PRH1: variants seen among roughly 807,000 people sequenced by gnomAD.
PRH1 encodes the protein salivary acidic proline-rich phosphoprotein 1/2.
PRH1 carries 7 observed loss-of-function variants against 7.9 expected under a neutral mutation model. The observed-to-expected ratio is 0.89, with a 90% CI of 0.50 to 1.67. PRH1 has a LOEUF of 1.67. Ranked by LOEUF, PRH1 falls within the 40% of genes most tolerant of loss-of-function variation. The pLI is 0.00. For synonymous variants in PRH1, 45 were observed against 80.8 expected (o/e 0.56, Z 2.38); for missense variants, 109 against 223.6 (o/e 0.49, Z 3.27).
intron 1 of PRH1, among the ~76,000 whole-genome samples, chr12:10,987,462 C>T (rs1277816373): frequency 1.3e-5 from 2 of 151,926 alleles, no homozygotes; most frequent in Non-Finnish European, 2.9e-5. Flanking sequence ...ACCAAAACAC[C>T]TTAAAATCTG....
At chr12:10,972,088 AG>A (rs1198334195) in intron 2 of PRH1, among the ~76,000 whole-genome samples, 15 of 152,276 alleles carry the variant, frequency 9.9e-5, no homozygotes, top group Admixed American at 6.5e-4. Context: ...GGAAATTTGG[AG>A]TGTTTAACAG....
intron 1 of PRH1, among the ~76,000 whole-genome samples, chr12:11,064,247 T>A (rs1943721109): frequency 6.6e-6 from 1 of 152,184 alleles, no homozygotes; most frequent in Admixed American, 6.6e-5. Context: ...TCTGGCCTGC[T>A]TTGCACTGCG....
upstream of PRH1, chr12:11,049,168 AC>A (rs1943033798): frequency 2.8e-6 from 3 of 1,070,848 alleles, no homozygotes; most frequent in Non-Finnish European, 3.7e-6. Context: ...AAGGACACCT[AC>A]TAGAGCTATG....
At chr12:11,133,878 T>A (rs1189487835) in intron 1 of PRH1, 6 of 1,614,034 alleles carry the variant, frequency 3.7e-6, no homozygotes, top group Non-Finnish European at 5.1e-6. Context: ...TTAACTCTCC[T>A]CTTTATGCGA....
At chr12:10,986,068 T>C in intron 1 of PRH1, 1 of 1,614,084 alleles carries the variant, frequency 6.2e-7, no homozygotes, top group Non-Finnish European at 8.5e-7. Flanking sequence ...CCAACAGCCT[T>C]GCTAACCATG....
rs560097621 is a variant in PRH1, at chr12:11,010,583, C to T, written c.-126+36437G>A. 3.8e-4 allele frequency among the ~76,000 whole-genome samples: 58 copies of T among 151,960 alleles called. 1 individual carries two copies. In the South Asian group the frequency reaches 8.9e-3, roughly 23 times the overall value. ...AAGTGTGGTACAATAAAAAATACTTCGCCTTAATCAGGTAATGCCATATTC... is the reference window on the plus strand; with the variant it reads ...AAGTGTGGTACAATAAAAAATACTTTGCCTTAATCAGGTAATGCCATATTC... On this transcript the variant is annotated intron_variant, in intron 1 of 3. Coordinates refer to the PRH1 transcript ENST00000539853.
intron 1 of PRH1, chr12:10,986,889 CA>C: frequency 7.0e-7 from 1 of 1,431,084 alleles, no homozygotes; most frequent in Non-Finnish European, 9.3e-7. Context: ...AAAGAAAATG[CA>C]AGCCTAATAT....
Position 10,882,272 on chromosome 12 carries a change from C to T in PRH1, c.527G>A (p.Arg176His), listed in dbSNP as rs137971763. The change falls in exon 3 of 4, where the codon CGC becomes CAC. Residue 176 changes from arginine (R) to histidine (H), a missense_variant. By Grantham distance (29) the Arg-to-His change is conservative (BLOSUM62 0). This residue lies in a region of PRH1 where 45 missense variants were observed against 88.8 expected (regional missense o/e 0.51). Coordinates refer to ENST00000543626, the MANE Select transcript of PRH1 (RefSeq NM_001393989.1). ...CTGCCCCTGTGGAGGTCCTTGTGGG[C>T]GGCCCCCTTGGGGAGGTGGTCCCTG... ...KPQGPPPQGG[R>H]PQGPPQGQSP... is the part of the protein sequence containing the mutation. The T allele has an allele frequency of 1.9e-3, 3,046 of 1,612,724 alleles. 31 individuals are homozygous for T. The Admixed American group carries it at 0.024, about 13-fold the overall frequency.
intron 1 of PRH1, among the ~76,000 whole-genome samples, chr12:11,081,155 T>A (rs78444433): frequency 0.3 from 22,369 of 74,170 alleles, 1,831 homozygotes; most frequent in Non-Finnish European, 0.39. Context: ...CCTCAATGTG[T>A]TACCCTCTAG....
intron 1 of PRH1, among the ~76,000 whole-genome samples, chr12:11,155,608 TTTC>T (rs1304266921): frequency 2.6e-5 from 4 of 152,176 alleles, no homozygotes; most frequent in East Asian, 1.9e-4. Flanking sequence ...CTTAATATAT[TTTC>T]TTCTTGTTTA....
At chr12:11,030,858 C>T in intron 1 of PRH1, 1 of 1,614,146 alleles carries the variant, frequency 6.2e-7, no homozygotes, top group African/African-American at 1.3e-5. Context: ...GTCAAGTTTC[C>T]TTCATATTCT....
intron 2 of PRH1, among the ~76,000 whole-genome samples, chr12:10,906,538 T>C (rs866097232): frequency 1.1e-4 from 16 of 152,228 alleles, no homozygotes; most frequent in African/African-American, 3.9e-4. Context: ...TCTTGAATTG[T>C]AGCTCCCATA....
At chr12:11,160,481 G>GT (rs76745801) in intron 1 of PRH1, among the ~76,000 whole-genome samples, 1 of 151,078 alleles carries the variant, frequency 6.6e-6, no homozygotes, top group African/African-American at 2.5e-5. Context: ...TTGTTTGTTT[G>GT]TTTTTTTGAG....
chr12:10,885,544 G>T (rs1157929693), upstream of PRH1, among the ~76,000 whole-genome samples: 1 of 151,962 alleles, frequency 6.6e-6, no homozygotes, highest in East Asian at 1.9e-4. Context: ...GTCCTGGTTT[G>T]GTAGCTCTCT....
rs143560037 is a variant in PRH1 at position 10,920,020 on chromosome 12, C to G, written c.-58-35745G>C. ...GCTCAAACAATCCTCCTGTTTGATT[C>G]TCTGTGTAGCTAAGACTACAGTTGC... On this transcript the variant is annotated intron_variant, in intron 2 of 3. Coordinates refer to the PRH1 transcript ENST00000539853. Among the ~76,000 whole-genome samples the G allele has an allele frequency of 3.7e-3, 565 of 150,844 alleles. 1 individual carries two copies. The highest frequency in any genetic ancestry group is 0.013 in the African/African-American group (538 of 41,036).
chr12:11,118,105 G>A (rs2708335), downstream of PRH1, among the ~76,000 whole-genome samples: 1 of 151,772 alleles, frequency 6.6e-6, no homozygotes, highest in Non-Finnish European at 1.5e-5. Flanking sequence ...CACAGCAAAG[G>A]TATGATCAAC....
chr12:11,118,337 C>G (rs1346110034), downstream of PRH1, among the ~76,000 whole-genome samples: 2 of 152,136 alleles, frequency 1.3e-5, no homozygotes, highest in East Asian at 3.9e-4. Flanking sequence ...CATCATTGAT[C>G]ATCAGAGAAA....
chr12:11,104,521 A>G (rs1945354642), intron 1 of PRH1, among the ~76,000 whole-genome samples: 1 of 152,126 alleles, frequency 6.6e-6, no homozygotes, highest in African/African-American at 2.4e-5. Flanking sequence ...TAAACATGTC[A>G]GTCTTGTTTG....
At chr12:11,000,243 A>T (rs978991024) in intron 1 of PRH1, among the ~76,000 whole-genome samples, 3 of 152,152 alleles carry the variant, frequency 2.0e-5, no homozygotes, top group African/African-American at 7.2e-5. Flanking sequence ...TATTCAGTCA[A>T]CATTCATTTA....
Sources: allele counts gnomAD v4.1 joint callset (sites outside exome capture counted in the v4.1 genomes callset), GRCh38; gene constraint gnomAD v4.1.1; regional missense constraint gnomAD v4.1.1; transcripts MANE v1.5; gene names NCBI Gene and HGNC (gene_info 2026-07-23, HGNC 2026-07-21).